Variants in PRKD2 observed in about 807,000 individuals in gnomAD.
The protein encoded by PRKD2 is protein kinase D2, also known as serine/threonine-protein kinase D2.
PRKD2 carries 22 observed loss-of-function variants against 86.0 expected under a neutral mutation model. That is an observed-to-expected ratio of 0.26 (90% CI 0.18 to 0.37). PRKD2 has a LOEUF of 0.37. PRKD2 is among the 10% of genes least tolerant of loss of function. The pLI, the probability that PRKD2 is intolerant of heterozygous loss-of-function variation, is 1.00. For synonymous variants in PRKD2, 509 were observed against 510.9 expected, an observed-to-expected ratio of 1.00 and a Z score of 0.05; for missense variants, 818 against 1,199.2, an observed-to-expected ratio of 0.68 and a Z score of 4.70.
chr19:46,693,892 G>A lies in PRKD2; in HGVS notation c.1559C>T (p.Pro520Leu). The A allele has an allele frequency of 6.2e-7, 1 of 1,602,568 alleles. No individual in the cohort carries two copies. The highest frequency in any genetic ancestry group is 1.3e-5 in the African/African-American group (1 of 74,934). The change falls in exon 10 of 18, where the codon CCA becomes CTA. Residue 520 changes from proline (P) to leucine (L), a missense_variant. This residue lies in a region of PRKD2 where 154 missense variants were observed against 359.6 expected (regional missense o/e 0.43). Transcript: ENST00000291281. This position sits in a 1 kb window ranked among gnomAD's most constrained non-coding sequence, Gnocchi z 4.5. ...PVILQDAPSA[P>L]GHAPHRQASL... ...GGACTTACTGTGGGGCGCGTGGCCT[G>A]GGGCGCTGGGTGCGTCCTGAAGGAT...
chr19:46,710,195 C>A (rs899268230), intron 3 of PRKD2, among the ~76,000 whole-genome samples: 6 of 151,812 alleles, frequency 4.0e-5, no homozygotes, highest in Admixed American at 1.3e-4. Flanking sequence ...CCGTGTCCGG[C>A]CTTTTTCCTG....
Position 46,678,321 on chromosome 19 carries a change from C to A in PRKD2, c.2338+75G>T. On this transcript the variant is annotated intron_variant, in intron 16 of 17. Transcript: ENST00000291281. The surrounding 1 kb of genome is among the most constrained non-coding windows in gnomAD (Gnocchi z 5.7). ...CCAGGCTGTTTCCGGGTCCACCCCCCTCTCATGGCTCCGCCCACTTCTCCA... is the reference window on the plus strand; with the variant it reads ...CCAGGCTGTTTCCGGGTCCACCCCCATCTCATGGCTCCGCCCACTTCTCCA... The A allele has an allele frequency of 6.4e-7, 1 of 1,551,504 alleles. No homozygotes were observed. The highest frequency in any genetic ancestry group is 8.7e-7 in the Non-Finnish European group (1 of 1,151,238).
In PRKD2 at chr19:46,682,391, G is replaced by A. The variant is rs368173161; in HGVS notation, c.1972-643C>T. ...GCTGGTCTCAAACTCCTGGACTCAAGTGATCCACCCACCTTGGCCTCCCAA... is the reference window on the plus strand; with the variant it reads ...GCTGGTCTCAAACTCCTGGACTCAAATGATCCACCCACCTTGGCCTCCCAA... On this transcript the variant is annotated intron_variant, in intron 14 of 17. Coordinates refer to ENST00000291281, the MANE Select transcript of PRKD2 (RefSeq NM_016457.5). Among the ~76,000 whole-genome samples, 7 of 152,108 alleles carry A rather than the reference G, an allele frequency of 4.6e-5. No individual in the cohort carries two copies. In the East Asian group the frequency reaches 9.7e-4, roughly 21 times the overall value.
Position 46,703,937 on chromosome 19 carries a change from C to G in PRKD2, c.889+232G>C, listed in dbSNP as rs367740067. Among the ~76,000 whole-genome samples the G allele has an allele frequency of 9.9e-5, 13 of 131,392 alleles. 1 individual carries two copies. Among genetic ancestry groups the G allele is most frequent in the African/African-American group, 3.3e-4 (11 of 33,196 alleles). The allele number at this position is 131,392 out of a possible 152,430, so 86.2% of individuals were successfully genotyped here. ...CCAGCCTGGGTGATAGAGTGACACC[C>G]TGTCTCCAAAAAACAACAACAACAC... is the stretch of plus-strand genomic sequence containing the variant. On this transcript the variant is annotated intron_variant, in intron 5 of 17. Coordinates refer to ENST00000291281, the MANE Select transcript of PRKD2 (RefSeq NM_016457.5).
chr19:46,683,701 G>A (rs1188903831), intron 14 of PRKD2, among the ~76,000 whole-genome samples: 1 of 152,104 alleles, frequency 6.6e-6, no homozygotes, highest in African/African-American at 2.4e-5. Context: ...CTGGGCGACA[G>A]AGTGAGATGC....
chr19:46,707,571 C>T (rs961186132), intron 3 of PRKD2, among the ~76,000 whole-genome samples: 12 of 152,066 alleles, frequency 7.9e-5, no homozygotes, highest in Non-Finnish European at 1.0e-4. Context: ...TCCTGGGTGA[C>T]GGAGCAAGAC....
In PRKD2 at chr19:46,693,703, G is replaced by A. The variant is rs183313931; in HGVS notation, c.1576+172C>T. ...TCCTCCCTCCTTGGCTTCCCAAAGCGCTGGGATTAACAGGAGTGATTAACA... is the reference window on the plus strand; with the variant it reads ...TCCTCCCTCCTTGGCTTCCCAAAGCACTGGGATTAACAGGAGTGATTAACA... On this transcript the variant is annotated intron_variant, in intron 10 of 17. Transcript: ENST00000291281. This position sits in a 1 kb window ranked among gnomAD's most constrained non-coding sequence, Gnocchi z 4.5. Among the ~76,000 whole-genome samples the A allele has an allele frequency of 2.9e-4, 44 of 152,296 alleles. No individual in the cohort carries two copies. Among genetic ancestry groups the A allele is most frequent in the Admixed American group, 2.5e-3 (38 of 15,294 alleles).
chr19:46,682,661 TGA>T (rs2053324953), intron 14 of PRKD2, among the ~76,000 whole-genome samples: 1 of 151,592 alleles, frequency 6.6e-6, no homozygotes, highest in Non-Finnish European at 1.5e-5. Context: ...TGAATGCTAC[TGA>T]CAGAGCAGGC....
intron 1 of PRKD2, 142 bp downstream of exon 1, chr19:46,715,989 G>A: frequency 1.5e-6 from 2 of 1,326,152 alleles, no homozygotes; most frequent in Non-Finnish European, 2.0e-6. Context: ...GCAATGGAGG[G>A]GGGCAATGCC....
intron 14 of PRKD2, 54 bp from the exon 15 acceptor site, chr19:46,681,802 C>T (rs1426845708): frequency 3.9e-5 from 47 of 1,212,842 alleles, no homozygotes; most frequent in Non-Finnish European, 5.7e-5. Context: ...TCAGCCAAAT[C>T]CCAACCTCAG....
At chr19:46,713,808 C>T (rs1200888964) in intron 2 of PRKD2, 55 bp downstream of exon 2, 1 of 1,266,214 alleles carries the variant, frequency 7.9e-7, no homozygotes, top group Non-Finnish European at 1.1e-6. Flanking sequence ...TCTCCTCCCC[C>T]AGATGCCCCG....
At chr19:46,708,127 T>C (rs1464132005) in intron 3 of PRKD2, among the ~76,000 whole-genome samples, 1 of 151,942 alleles carries the variant, frequency 6.6e-6, no homozygotes, top group Non-Finnish European at 1.5e-5. Flanking sequence ...ATTTTTAAAC[T>C]ATGATTTAAG....
In PRKD2 at chr19:46,674,605, G is replaced by T; in HGVS notation, c.2555C>A (p.Pro852His). ...AEHPLPGSGL[P>H]TDRDLGGACP... ...GGCCCCACCGAGATCCCTGTCCGTG[G>T]GCAGCCCAGACCCAGGCAGCGGATG... The change falls in exon 18 of 18, where the codon CCC (proline) becomes CAC (histidine). Residue 852 changes from proline (P) to histidine (H), a missense_variant. Around this residue, in one of 5 missense-constraint regions of PRKD2, gnomAD observed 132 missense variants for 146.2 expected, o/e 0.90. Coordinates refer to ENST00000291281, the MANE Select transcript of PRKD2 (RefSeq NM_016457.5). 1 of 1,610,194 alleles carries T rather than the reference G, an allele frequency of 6.2e-7. No homozygotes were observed. The highest frequency in any genetic ancestry group is 8.5e-7 in the Non-Finnish European group (1 of 1,179,954).
intron 13 of PRKD2, among the ~76,000 whole-genome samples, chr19:46,690,057 C>A (rs2053461599): frequency 6.6e-6 from 1 of 152,150 alleles, no homozygotes; most frequent in South Asian, 2.1e-4. Context: ...ATCTTTACAT[C>A]CTGAAATTCT....
intron 2 of PRKD2, among the ~76,000 whole-genome samples, chr19:46,711,367 C>T (rs1456658884): frequency 3.9e-5 from 6 of 152,274 alleles, no homozygotes; most frequent in South Asian, 2.1e-4. Context: ...CTGAACTGTA[C>T]GCTTAAAAGT....
intron 5 of PRKD2, among the ~76,000 whole-genome samples, chr19:46,701,491 C>T (rs1876315027): frequency 6.6e-6 from 1 of 151,666 alleles, no homozygotes; most frequent in South Asian, 2.1e-4. Flanking sequence ...CGTGGGACTA[C>T]AGGCGCCCAC....
intron 9 of PRKD2, among the ~76,000 whole-genome samples, chr19:46,694,472 G>A (rs1266072512): frequency 6.6e-6 from 1 of 152,118 alleles, no homozygotes; most frequent in African/African-American, 2.4e-5. Context: ...GTGTGCGCCT[G>A]TAATCCCAGC....
chr19:46,708,971 GGTTTTTTTTTTTT>G (rs1237155044), intron 3 of PRKD2, among the ~76,000 whole-genome samples: 2 of 80,296 alleles, frequency 2.5e-5, no homozygotes, highest in African/African-American at 1.0e-4. Context: ...GTTTGTTTGT[GGTTTTTTTTTTTT>G]TTTTTTTTTT....
At position 46,674,603 on chromosome 19, in the gene PRKD2, T is replaced by A. The variant is rs1481260229; in HGVS notation, c.2557A>T (p.Thr853Ser). The change falls in exon 18 of 18, where the codon ACG becomes TCG. Residue 853 changes from threonine (T) to serine (S), a missense_variant. Coordinates refer to ENST00000291281, the MANE Select transcript of PRKD2 (RefSeq NM_016457.5). Reference sequence around the variant, plus strand: ...CAGGCCCCACCGAGATCCCTGTCCGTGGGCAGCCCAGACCCAGGCAGCGGA... The same window carrying A: ...CAGGCCCCACCGAGATCCCTGTCCGAGGGCAGCCCAGACCCAGGCAGCGGA... ...EHPLPGSGLP[T>S]DRDLGGACPP... is the part of the protein sequence containing the mutation. The A allele has an allele frequency of 6.2e-7, 1 of 1,610,030 alleles. No homozygotes were observed. The highest frequency in any genetic ancestry group is 8.5e-7 in the Non-Finnish European group (1 of 1,179,878).
Sources: gnomAD v4.1 joint callset for allele counts (sites outside exome capture counted in the v4.1 genomes callset) on GRCh38, gnomAD v4.1.1 for gene constraint, gnomAD v4.1.1 regional missense constraint, Gnocchi (gnomAD v3.1) non-coding constraint, MANE v1.5 for transcripts, NCBI Gene and HGNC (gene_info 2026-07-23, HGNC 2026-07-21) for gene names.